GPM6A: variants seen among roughly 807,000 people sequenced by gnomAD.
The protein encoded by GPM6A is glycoprotein M6A, also known as neuronal membrane glycoprotein M6-a.
A neutral mutation model predicts 32.1 loss-of-function variants in GPM6A; 7 were observed. The observed-to-expected ratio is 0.22, with a 90% CI of 0.12 to 0.41. The LOEUF is 0.41. Among genes scored for constraint, GPM6A ranks in the 10% least tolerant of loss-of-function variants. GPM6A has a pLI of 1.00. For synonymous variants in GPM6A, 130 were observed against 123.4 expected (o/e 1.05, Z -0.35); for missense variants, 235 against 347.2 (o/e 0.68, Z 2.57).
intron 4 of GPM6A, among the ~76,000 whole-genome samples, chr4:175,644,128 T>TG (rs1254108707): frequency 4.7e-5 from 7 of 148,556 alleles, no homozygotes; most frequent in Non-Finnish European, 1.0e-4. Flanking sequence ...TTTGTTTTTT[T>TG]TTTTTTTTTT....
intron 4 of GPM6A, among the ~76,000 whole-genome samples, chr4:175,644,511 A>C (rs1433401478): frequency 2.0e-5 from 3 of 151,682 alleles, no homozygotes; most frequent in East Asian, 3.9e-4. Context: ...AAATAGATAT[A>C]ATATATATTA....
rs372330529 is a variant in GPM6A, at chr4:175,655,862, G to T, written c.388-3875C>A. Among the ~76,000 whole-genome samples the T allele has an allele frequency of 2.6e-3, 402 of 152,134 alleles. 4 individuals are homozygous for T. Among genetic ancestry groups the T allele is most frequent in the African/African-American group, 8.9e-3 (371 of 41,534 alleles). On this transcript the variant is annotated intron_variant, in intron 3 of 6. Transcript: ENST00000393658. ...GGGCTATGATGTAAACAAGGGGAAG[G>T]TTCTATATAAAGTCACTTAGCAGGA... is the stretch of plus-strand genomic sequence containing the variant.
At chr4:175,696,431 G>T (rs1053874870) in intron 2 of GPM6A, among the ~76,000 whole-genome samples, 6 of 152,088 alleles carry the variant, frequency 3.9e-5, no homozygotes, top group Admixed American at 6.6e-5. Context: ...TGTTCTTGTT[G>T]TTATTTCATA....
intron 1 of GPM6A, among the ~76,000 whole-genome samples, chr4:175,945,961 C>T (rs537440845): frequency 2.0e-5 from 3 of 151,506 alleles, no homozygotes; most frequent in Admixed American, 6.6e-5. Flanking sequence ...TTACTTAGTT[C>T]CCACATATAA....
chr4:175,811,940 C>A, intron 1 of GPM6A: 1 of 362,184 alleles, frequency 2.8e-6, no homozygotes, highest in Non-Finnish European at 4.9e-6. Flanking sequence ...GAATAGTTCA[C>A]TACAATACCG....
chr4:175,784,636 T>C (rs1021335131), intron 1 of GPM6A, among the ~76,000 whole-genome samples: 11 of 152,260 alleles, frequency 7.2e-5, no homozygotes, highest in African/African-American at 2.6e-4. Context: ...GAATGTGAAT[T>C]ATAATGAACT....
At chr4:175,636,785 ACT>A (rs1362093725) in intron 6 of GPM6A, among the ~76,000 whole-genome samples, 2 of 147,898 alleles carry the variant, frequency 1.4e-5, no homozygotes, top group Non-Finnish European at 3.0e-5. Context: ...AACAGAGTAG[ACT>A]CTGTCTCAAA....
At chr4:175,816,089 G>T (rs1579534806), upstream of GPM6A, among the ~76,000 whole-genome samples, 1 of 152,160 alleles carries the variant, frequency 6.6e-6, no homozygotes, top group African/African-American at 2.4e-5. Flanking sequence ...TACTGGGGAG[G>T]CTGAGGCAGG....
chr4:175,704,794 T>C (rs2111073658), intron 1 of GPM6A, among the ~76,000 whole-genome samples: 2 of 152,222 alleles, frequency 1.3e-5, no homozygotes, highest in East Asian at 1.9e-4. Flanking sequence ...CACAAAACTG[T>C]TCAAGGTAGA....
At chr4:175,838,913 C>T (rs901903561) in intron 1 of GPM6A, among the ~76,000 whole-genome samples, 1 of 152,038 alleles carries the variant, frequency 6.6e-6, no homozygotes, top group African/African-American at 2.4e-5. Flanking sequence ...TCAGGCCCAC[C>T]TCAGCCTCCC....
At chr4:175,807,992 T>C (rs1263010248) in intron 1 of GPM6A, among the ~76,000 whole-genome samples, 1 of 152,230 alleles carries the variant, frequency 6.6e-6, no homozygotes, top group African/African-American at 2.4e-5. Context: ...TGAGTTCATT[T>C]AGGTAAAGTC....
chr4:175,871,666 C>T (rs1018079877), intron 1 of GPM6A, among the ~76,000 whole-genome samples: 1 of 152,102 alleles, frequency 6.6e-6, no homozygotes, highest in African/African-American at 2.4e-5. Context: ...TTGGCTTATT[C>T]TGACTTCTTC....
At chr4:175,790,936 G>C (rs1370521645) in intron 1 of GPM6A, among the ~76,000 whole-genome samples, 1 of 152,068 alleles carries the variant, frequency 6.6e-6, no homozygotes, top group East Asian at 1.9e-4. Context: ...AGCTTCACTT[G>C]GGTATTTACT....
chr4:175,821,925 T>A (rs1177563720), intron 1 of GPM6A, among the ~76,000 whole-genome samples: 2 of 152,086 alleles, frequency 1.3e-5, no homozygotes, highest in African/African-American at 4.8e-5. Context: ...TTTAATTTAT[T>A]TCCTCTGTTT....
chr4:175,956,730 A>T (rs1346782043), intron 1 of GPM6A, among the ~76,000 whole-genome samples: 1 of 152,182 alleles, frequency 6.6e-6, no homozygotes, highest in Non-Finnish European at 1.5e-5. Flanking sequence ...TTAAGTATTC[A>T]TTTCAACTGA....
intron 1 of GPM6A, among the ~76,000 whole-genome samples, chr4:175,711,952 C>G (rs541854171): frequency 6.6e-6 from 1 of 151,998 alleles, no homozygotes; most frequent in East Asian, 1.9e-4. Flanking sequence ...TCTAAATAGG[C>G]AACTGCAATA....
chr4:175,958,082 G>A (rs1399768186), intron 1 of GPM6A, among the ~76,000 whole-genome samples: 1 of 152,070 alleles, frequency 6.6e-6, no homozygotes, highest in African/African-American at 2.4e-5. Flanking sequence ...TACTAGAGAT[G>A]GTGTTTCACC....
intron 1 of GPM6A, chr4:175,962,193 C>G: frequency 8.4e-7 from 1 of 1,193,348 alleles, no homozygotes; most frequent in Admixed American, 1.7e-5. Context: ...TTCTTTGCCC[C>G]TGGAGTATTG....
intron 1 of GPM6A, among the ~76,000 whole-genome samples, chr4:175,718,975 C>G (rs1305150921): frequency 6.6e-6 from 1 of 151,996 alleles, no homozygotes; most frequent in East Asian, 1.9e-4. Context: ...AAAAAGAGAA[C>G]ATGAATTACT....
Sources: allele counts gnomAD v4.1 joint callset (sites outside exome capture counted in the v4.1 genomes callset), GRCh38; gene constraint gnomAD v4.1.1; transcripts MANE v1.5; gene names NCBI Gene and HGNC (gene_info 2026-07-23, HGNC 2026-07-21).